Variants in HDAC4 observed in about 807,000 individuals in gnomAD.
HDAC4 encodes histone deacetylase 4.
HDAC4 carries 16 observed loss-of-function variants against 135.1 expected under a neutral mutation model. That is an observed-to-expected ratio of 0.12 (90% CI 0.08 to 0.18). The LOEUF (loss-of-function observed/expected upper bound fraction) is 0.18. Among genes scored for constraint, HDAC4 ranks in the 10% least tolerant of loss-of-function variants. The probability of loss-of-function intolerance (pLI) is 1.00; values close to 1 mark genes in which losing one functional copy is unlikely to be tolerated. For synonymous variants in HDAC4, 685 were observed against 653.4 expected (o/e 1.05, Z -0.74); for missense variants, 1,143 against 1,511.8 (o/e 0.76, Z 4.05).
intron 5 of HDAC4, among the ~76,000 whole-genome samples, chr2:239,166,732 C>T (rs1249190561): frequency 2.0e-5 from 3 of 152,042 alleles, no homozygotes; most frequent in Non-Finnish European, 4.4e-5. Flanking sequence ...GAGTTAACCT[C>T]GTAAATATAC....
intron 7 of HDAC4, among the ~76,000 whole-genome samples, chr2:239,148,723 A>G (rs10189342): frequency 0.18 from 27,575 of 152,192 alleles, 2,559 homozygotes; most frequent in South Asian, 0.26. Flanking sequence ...CATGACCAAG[A>G]TGGCGAGGCC....
intron 2 of HDAC4, among the ~76,000 whole-genome samples, chr2:239,280,903 C>A (rs2050679956): frequency 6.7e-6 from 1 of 150,316 alleles, no homozygotes; most frequent in Non-Finnish European, 1.5e-5. Context: ...GTACACACCA[C>A]TCTACAATGT....
At chr2:239,367,442 G>GT (rs1694296064) in intron 1 of HDAC4, among the ~76,000 whole-genome samples, 2 of 152,172 alleles carry the variant, frequency 1.3e-5, no homozygotes, top group South Asian at 2.1e-4. Context: ...GAGTAAGCAC[G>GT]TTTTTTAGAT....
chr2:239,184,998 A>C (rs2044444685), intron 4 of HDAC4, among the ~76,000 whole-genome samples: 1 of 111,444 alleles, frequency 9.0e-6, no homozygotes, highest in Non-Finnish European at 1.8e-5. Flanking sequence ...ATGGAGGGCT[A>C]TCCCTCAGTG....
chr2:239,136,773 A>G (rs1167652700), intron 9 of HDAC4, among the ~76,000 whole-genome samples: 1 of 152,204 alleles, frequency 6.6e-6, no homozygotes, highest in Non-Finnish European at 1.5e-5. Flanking sequence ...GCCATTGGGG[A>G]TAGGAAGAAA....
intron 1 of HDAC4, among the ~76,000 whole-genome samples, chr2:239,382,169 G>A (rs938400466): frequency 6.6e-6 from 1 of 152,238 alleles, no homozygotes; most frequent in Non-Finnish European, 1.5e-5. Flanking sequence ...CTGCACCCAC[G>A]TAACAGATTA....
At chr2:239,264,777 G>A (rs1287325833) in intron 2 of HDAC4, among the ~76,000 whole-genome samples, 1 of 152,210 alleles carries the variant, frequency 6.6e-6, no homozygotes, top group Non-Finnish European at 1.5e-5. Context: ...CAGGTCCCAG[G>A]GTGTAAACAC....
intron 2 of HDAC4, among the ~76,000 whole-genome samples, chr2:239,246,219 C>T (rs533570965): frequency 1.1e-4 from 16 of 152,274 alleles, no homozygotes; most frequent in African/African-American, 3.8e-4. Context: ...GAGGCAAACG[C>T]GGGCAGGAGT....
At chr2:239,191,885 T>C (rs1023749171) in intron 3 of HDAC4, among the ~76,000 whole-genome samples, 1 of 152,174 alleles carries the variant, frequency 6.6e-6, no homozygotes, top group Non-Finnish European at 1.5e-5. Flanking sequence ...ACCCAGAAGG[T>C]GACAGAAGCT....
At position 239,352,735 on chromosome 2, in the gene HDAC4, T is replaced by C. The variant is rs1054368038; in HGVS notation, c.-36A>G. ...GTCCACTCCTTTAAGTGATTCGAAATGGCTCAAAATTTCCACGGAAACGAT... is the reference window on the plus strand; with the variant it reads ...GTCCACTCCTTTAAGTGATTCGAAACGGCTCAAAATTTCCACGGAAACGAT... On this transcript the variant is annotated 5_prime_UTR_variant, in exon 2 of 27. Coordinates refer to ENST00000543185, the MANE Select transcript of HDAC4 (RefSeq NM_001378414.1). The surrounding 1 kb of genome is among the most constrained non-coding windows in gnomAD (Gnocchi z 4.4). The C allele has an allele frequency of 2.6e-6, 4 of 1,551,068 alleles. No homozygotes were observed. Among genetic ancestry groups the C allele is most frequent in the African/African-American group, 2.7e-5 (2 of 73,126 alleles).
chr2:239,373,186 T>C (rs1277192212), intron 1 of HDAC4, among the ~76,000 whole-genome samples: 1 of 152,192 alleles, frequency 6.6e-6, no homozygotes. Flanking sequence ...CTAAAGAGGC[T>C]GCAGCCGCGC....
chr2:239,252,532 A>T (rs1194230992), intron 2 of HDAC4, among the ~76,000 whole-genome samples: 1 of 152,234 alleles, frequency 6.6e-6, no homozygotes, highest in Non-Finnish European at 1.5e-5. Context: ...GTTAAAGAGA[A>T]AAATCAAAAG....
chr2:239,271,726 T>C (rs565252574), intron 2 of HDAC4, among the ~76,000 whole-genome samples: 1 of 152,330 alleles, frequency 6.6e-6, no homozygotes, highest in African/African-American at 2.4e-5. Context: ...TTGCCCTTCA[T>C]CCTTCCAAGA....
chr2:239,318,679 C>T (rs1256396914), intron 2 of HDAC4, among the ~76,000 whole-genome samples: 15 of 119,208 alleles, frequency 1.3e-4, no homozygotes, highest in African/African-American at 3.8e-4. Flanking sequence ...AACTTTCAAA[C>T]GATTCTGAAA....
chr2:239,338,478 A>G (rs1022186516), intron 2 of HDAC4, among the ~76,000 whole-genome samples: 32 of 152,108 alleles, frequency 2.1e-4, no homozygotes, highest in African/African-American at 7.7e-4. Context: ...CCTAGTGCAA[A>G]CATCAAATGA....
chr2:239,220,394 A>G (rs1161482202), intron 3 of HDAC4, among the ~76,000 whole-genome samples: 2 of 151,866 alleles, frequency 1.3e-5, no homozygotes, highest in Non-Finnish European at 2.9e-5. Flanking sequence ...AAAAAGTTAG[A>G]AAAATAACTA....
rs181052489 is a variant in HDAC4, at chr2:239,387,915, G to A, written c.-220+13063C>T. 3.9e-5 allele frequency among the ~76,000 whole-genome samples: 6 copies of A among 152,186 alleles called. No homozygotes were observed. The East Asian group carries it at 1.2e-3, about 30-fold the overall frequency. ...GGCGTGGGCTCAGGAGCAGCAGCCAGCTCAGATCCACACCCCCACCCCACC... is the reference window on the plus strand; with the variant it reads ...GGCGTGGGCTCAGGAGCAGCAGCCAACTCAGATCCACACCCCCACCCCACC... On this transcript the variant is annotated intron_variant, in intron 1 of 26. Coordinates refer to ENST00000543185, the MANE Select transcript of HDAC4 (RefSeq NM_001378414.1).
chr2:239,149,668 G>A (rs915449896), intron 7 of HDAC4, among the ~76,000 whole-genome samples: 1 of 152,158 alleles, frequency 6.6e-6, no homozygotes, highest in Non-Finnish European at 1.5e-5. Flanking sequence ...GCCCAGCTCC[G>A]GGGCACCAGC....
rs1025057800 is a variant in HDAC4 at position 239,129,952 on chromosome 2, G to A, written c.1295-3258C>T. 4.7e-4 allele frequency among the ~76,000 whole-genome samples: 72 copies of A among 152,294 alleles called. 1 individual carries two copies. The highest frequency in any genetic ancestry group is 2.1e-4 in the South Asian group (1 of 4,812). On this transcript the variant is annotated intron_variant, in intron 11 of 26. Coordinates refer to ENST00000543185, the MANE Select transcript of HDAC4 (RefSeq NM_001378414.1). ...AAAGACTGGATTGCTCTCAAGTTCC[G>A]GACCCAGTTTTGAAGAGCGGGTCTG...
Sources: allele counts gnomAD v4.1 joint callset (sites outside exome capture counted in the v4.1 genomes callset), GRCh38; gene constraint gnomAD v4.1.1; non-coding constraint Gnocchi (gnomAD v3.1); transcripts MANE v1.5; gene names NCBI Gene and HGNC (gene_info 2026-07-23, HGNC 2026-07-21).